PBX1: variants seen among roughly 807,000 people sequenced by gnomAD.
PBX1 encodes the protein PBX homeobox 1, also known as pre-B-cell leukemia transcription factor 1.
PBX1 carries 6 observed loss-of-function variants against 53.4 expected under a neutral mutation model. The ratio of observed to expected loss-of-function variants is 0.11; its 90% confidence interval spans 0.06 to 0.22. The LOEUF is 0.22. Ranked by LOEUF, PBX1 falls within the 10% of genes least tolerant of loss-of-function variation. The pLI is 1.00. For synonymous variants in PBX1, 204 were observed against 212.3 expected (o/e 0.96, Z 0.34); for missense variants, 251 against 551.4 (o/e 0.46, Z 5.46).
At chr1:164,829,925 C>T (rs142663937) in intron 8 of PBX1, 1 of 151,448 alleles carries the variant, frequency 6.6e-6, no homozygotes, top group African/African-American at 2.4e-5. Context: ...TAAACAAGCA[C>T]GTTTTTCAAA....
intron 2 of PBX1, among the ~76,000 whole-genome samples, chr1:164,715,031 G>A (rs894416277): frequency 7.5e-5 from 11 of 146,890 alleles, no homozygotes; most frequent in Admixed American, 4.1e-4. Flanking sequence ...TTTTTTTTAA[G>A]TTCCTCAAGA....
intron 2 of PBX1, among the ~76,000 whole-genome samples, chr1:164,764,253 G>A (rs1357390203): frequency 6.6e-6 from 1 of 152,082 alleles, no homozygotes; most frequent in African/African-American, 2.4e-5. Flanking sequence ...ATACCTCAGA[G>A]GTACTGATGG....
At position 164,734,957 on chromosome 1, in the gene PBX1, C is replaced by T. The variant is rs73025071; in HGVS notation, c.266-57537C>T. ...AAGATGAAAAGGGAAACAAAGAATA[C>T]TCCAAATGCTTCTATAATGCACTTT... On this transcript the variant is annotated intron_variant, in intron 2 of 8. Transcript: ENST00000420696. Among the ~76,000 whole-genome samples the T allele has an allele frequency of 9.6e-3, 1,459 of 152,306 alleles. 32 individuals carry two copies. The highest frequency in any genetic ancestry group is 0.033 in the African/African-American group (1,372 of 41,566).
At chr1:164,869,269 A>C (rs1303567261) in intron 2 of PBX1, among the ~76,000 whole-genome samples, 2 of 152,178 alleles carry the variant, frequency 1.3e-5, no homozygotes, top group Admixed American at 1.3e-4. Context: ...CCTGAAGACC[A>C]CAATTCTAAG....
At chr1:164,695,830 A>G (rs1211795767) in intron 2 of PBX1, among the ~76,000 whole-genome samples, 1 of 152,250 alleles carries the variant, frequency 6.6e-6, no homozygotes, top group Non-Finnish European at 1.5e-5. Context: ...GAGTTTGAGC[A>G]GCTAGTCCTA....
At chr1:164,655,362 C>T (rs1660103286) in intron 2 of PBX1, among the ~76,000 whole-genome samples, 1 of 152,166 alleles carries the variant, frequency 6.6e-6, no homozygotes, top group Non-Finnish European at 1.5e-5. Context: ...ATTTGCCCAC[C>T]TCAGCCTCCC....
intron 2 of PBX1, among the ~76,000 whole-genome samples, chr1:164,631,531 A>G (rs1338003616): frequency 2.0e-5 from 3 of 152,210 alleles, no homozygotes; most frequent in Non-Finnish European, 4.4e-5. Context: ...TGACAAGTCC[A>G]CTTACTTAAT....
intron 2 of PBX1, among the ~76,000 whole-genome samples, chr1:164,637,005 A>G (rs954437024): frequency 3.3e-5 from 5 of 152,206 alleles, no homozygotes; most frequent in Admixed American, 2.6e-4. Context: ...ATGTAGCTCA[A>G]TTTAAGAAAC....
At chr1:164,562,215 T>A (rs181655851) in intron 1 of PBX1, among the ~76,000 whole-genome samples, 1 of 152,274 alleles carries the variant, frequency 6.6e-6, no homozygotes, top group Non-Finnish European at 1.5e-5. Context: ...TCTCTGTTCT[T>A]CATGAGGATG....
rs1030870918 is a variant in PBX1, at chr1:164,846,760, C to T, written c.*84C>T. 121 of 1,608,412 alleles carry T rather than the reference C, an allele frequency of 7.5e-5. No individual in the cohort carries two copies. The highest frequency in any genetic ancestry group is 4.5e-4 in the Admixed American group (27 of 59,684). On this transcript the variant is annotated 3_prime_UTR_variant, in exon 9 of 9. Coordinates refer to ENST00000420696, the MANE Select transcript of PBX1 (RefSeq NM_002585.4). ...GAGGGTTTCTCTCCCAACGCTGAAG[C>T]GGTCAGACTGGAGGTCGAAGCAATC... is the stretch of plus-strand genomic sequence containing the variant.
chr1:164,709,640 A>G (rs1663640020), intron 2 of PBX1, among the ~76,000 whole-genome samples: 1 of 152,048 alleles, frequency 6.6e-6, no homozygotes, highest in South Asian at 2.1e-4. Flanking sequence ...TCTCTTATTA[A>G]TACTGCAAGG....
chr1:164,710,805 C>T (rs1484788800), intron 2 of PBX1, among the ~76,000 whole-genome samples: 1 of 152,122 alleles, frequency 6.6e-6, no homozygotes, highest in Non-Finnish European at 1.5e-5. Flanking sequence ...AAAAGAAGAA[C>T]AAGTTGAGGA....
Position 164,742,990 on chromosome 1 carries a change from C to T in PBX1, c.266-49504C>T, listed in dbSNP as rs754524953. Among the ~76,000 whole-genome samples the T allele has an allele frequency of 4.6e-5, 7 of 152,164 alleles. 1 individual carries two copies. Among genetic ancestry groups the T allele is most frequent in the Non-Finnish European group, 8.8e-5 (6 of 68,048 alleles). The stretch of plus-strand genomic sequence containing the variant: ...GCATACAGCTTTGACTCCAATAATA[C>T]GATCCACTCTGCTGAAATGGGGTCA... On this transcript the variant is annotated intron_variant, in intron 2 of 8. Transcript: ENST00000420696.
At chr1:164,606,937 G>A (rs1656598373) in intron 2 of PBX1, among the ~76,000 whole-genome samples, 1 of 152,174 alleles carries the variant, frequency 6.6e-6, no homozygotes, top group African/African-American at 2.4e-5. Flanking sequence ...TCTGACATGA[G>A]GTACTGGGGA....
intron 2 of PBX1, among the ~76,000 whole-genome samples, chr1:164,756,005 AAAAAAAAAAAGAAAG>A (rs1666497406): frequency 6.6e-6 from 1 of 151,130 alleles, no homozygotes; most frequent in African/African-American, 2.4e-5. Context: ...CAGGAAAAAA[AAAAAAAAAAAGAAAG>A]AAAAAAACCC....
chr1:164,795,072 T>C (rs1277355452), intron 3 of PBX1, among the ~76,000 whole-genome samples: 2 of 150,644 alleles, frequency 1.3e-5, no homozygotes, highest in East Asian at 3.9e-4. Context: ...TACAAAACAC[T>C]GCGGCTGACA....
intron 2 of PBX1, among the ~76,000 whole-genome samples, chr1:164,635,415 A>G (rs1304042404): frequency 6.6e-6 from 1 of 152,244 alleles, no homozygotes; most frequent in African/African-American, 2.4e-5. Flanking sequence ...CTTAGTAAAA[A>G]TGACACAAAT....
At chr1:164,599,774 C>T (rs1185049119) in intron 2 of PBX1, among the ~76,000 whole-genome samples, 3 of 152,190 alleles carry the variant, frequency 2.0e-5, no homozygotes, top group African/African-American at 7.2e-5. Flanking sequence ...GGAAATACAT[C>T]TTTGCATATG....
chr1:164,593,822 G>A (rs901704070), intron 2 of PBX1, among the ~76,000 whole-genome samples: 4 of 152,052 alleles, frequency 2.6e-5, no homozygotes, highest in Non-Finnish European at 4.4e-5. Flanking sequence ...CGTTTCTTCC[G>A]TGGCTCTGCA....
Sources: allele counts gnomAD v4.1 joint callset (sites outside exome capture counted in the v4.1 genomes callset), GRCh38; gene constraint gnomAD v4.1.1; transcripts MANE v1.5; gene names NCBI Gene and HGNC (gene_info 2026-07-23, HGNC 2026-07-21).